Variants in BNC2 observed in about 807,000 individuals in gnomAD.
BNC2 encodes zinc finger protein basonuclin-2.
In BNC2, 20 loss-of-function variants were observed where a neutral mutation model predicts 76.3. The observed-to-expected ratio is 0.26, with a 90% CI of 0.18 to 0.38. The LOEUF (loss-of-function observed/expected upper bound fraction) is 0.38. Ranked by LOEUF, BNC2 falls within the 10% of genes least tolerant of loss-of-function variation. The pLI is 1.00. For missense variants in BNC2, 1,382 were observed against 1,399.8 expected, an observed-to-expected ratio of 0.99 and a Z score of 0.20; for synonymous variants, 582 against 514.8, an observed-to-expected ratio of 1.13 and a Z score of -1.77.
chr9:16,670,843 T>C (rs551945769), intron 3 of BNC2, among the ~76,000 whole-genome samples: 2 of 152,126 alleles, frequency 1.3e-5, no homozygotes, highest in Non-Finnish European at 2.9e-5. Context: ...CCAAAAACAA[T>C]GTATGGGTTC....
intron 6 of BNC2, among the ~76,000 whole-genome samples, chr9:16,421,937 ACT>A (rs1338985620): frequency 6.6e-6 from 1 of 152,034 alleles, no homozygotes. Context: ...GTAATCTAGA[ACT>A]CTGTTGCTTC....
chr9:16,761,120 T>C lies in BNC2; in HGVS notation c.4-22635A>G, dbSNP rs548305501. On this transcript the variant is annotated intron_variant, in intron 1 of 6. Transcript: ENST00000380672. ...AAAATTAGCTGGGAGTGGTGGCACA[T>C]GCCTGTGGTCCCAGCTACTTGGGAG... Among the ~76,000 whole-genome samples, 69 of 151,668 alleles carry C rather than the reference T, an allele frequency of 4.5e-4. 1 individual carries two copies. Among genetic ancestry groups the C allele is most frequent in the African/African-American group, 1.6e-3 (66 of 41,364 alleles).
rs1227405045 is a variant in BNC2, at chr9:16,416,610, G to A, written c.*2379C>T. The A allele has an allele frequency of 1.3e-5, 2 of 152,568 alleles. No homozygotes were observed. The highest frequency in any genetic ancestry group is 2.9e-5 in the Non-Finnish European group (2 of 68,028). The allele number at this position is 152,568 out of a possible 1,614,324, so 9.5% of individuals were successfully genotyped here. ...CCTCAGCTTTTTACCATAAACACTT[G>A]TCATTTAACATAGTGTTTGATATAG... On this transcript the variant is annotated 3_prime_UTR_variant, in exon 7 of 7. Transcript: ENST00000380672.
chr9:16,752,117 C>A (rs1320410016), intron 1 of BNC2, among the ~76,000 whole-genome samples: 1 of 152,114 alleles, frequency 6.6e-6, no homozygotes, highest in Non-Finnish European at 1.5e-5. Flanking sequence ...CTAATAATTT[C>A]TTTTAAGAAA....
intron 5 of BNC2, among the ~76,000 whole-genome samples, chr9:16,510,427 G>A (rs143007828): frequency 9.9e-5 from 15 of 152,254 alleles, no homozygotes; most frequent in African/African-American, 3.1e-4. Context: ...GATATAAAAA[G>A]GCAGGAAACA....
chr9:16,516,174 C>T (rs910363452), intron 5 of BNC2, among the ~76,000 whole-genome samples: 2 of 152,072 alleles, frequency 1.3e-5, no homozygotes. Context: ...AGCCCCAGGC[C>T]GCAGGGTTCT....
chr9:16,648,051 A>G lies in BNC2; in HGVS notation c.331-64966T>C, dbSNP rs9886749. On this transcript the variant is annotated intron_variant, in intron 3 of 6. Coordinates refer to ENST00000380672, the MANE Select transcript of BNC2 (RefSeq NM_017637.6). ...TCCCTTTGAAGACAAAATTACAGAG[A>G]GTCACCAATGTACGCAATAAAATAT... 7.0e-3 allele frequency among the ~76,000 whole-genome samples: 1,068 copies of G among 152,322 alleles called. 10 individuals are homozygous for G. The highest frequency in any genetic ancestry group is 0.023 in the African/African-American group (975 of 41,584).
chr9:16,588,829 C>G (rs953828878), intron 3 of BNC2, among the ~76,000 whole-genome samples: 1 of 152,194 alleles, frequency 6.6e-6, no homozygotes, highest in Non-Finnish European at 1.5e-5. Flanking sequence ...CCCCAATCTT[C>G]TGACCAAATC....
intron 5 of BNC2, among the ~76,000 whole-genome samples, chr9:16,493,675 G>C (rs1822324061): frequency 6.6e-6 from 1 of 152,188 alleles, no homozygotes; most frequent in Non-Finnish European, 1.5e-5. Context: ...GGAAGAGCTA[G>C]GCAAAAGGAT....
chr9:16,765,137 A>G (rs1825656555), intron 1 of BNC2, among the ~76,000 whole-genome samples: 1 of 152,178 alleles, frequency 6.6e-6, no homozygotes, highest in Non-Finnish European at 1.5e-5. Flanking sequence ...GTACACAAAT[A>G]TTTAGTATTC....
chr9:16,744,988 T>A (rs967445997), intron 1 of BNC2, among the ~76,000 whole-genome samples: 8 of 152,240 alleles, frequency 5.3e-5, no homozygotes, highest in African/African-American at 1.9e-4. Context: ...AAATCAATTT[T>A]GCCAAGTGCT....
chr9:16,647,304 T>A (rs561873422), intron 3 of BNC2, among the ~76,000 whole-genome samples: 13 of 152,176 alleles, frequency 8.5e-5, no homozygotes, highest in Admixed American at 7.9e-4. Context: ...GGTGGAATCT[T>A]ATGTCAAGTC....
intron 1 of BNC2, among the ~76,000 whole-genome samples, chr9:16,755,870 A>G (rs1478803303): frequency 6.6e-6 from 1 of 152,104 alleles, no homozygotes; most frequent in African/African-American, 2.4e-5. Flanking sequence ...TTTTCTTAGG[A>G]GTGTTTCCTT....
chr9:16,448,897 A>C (rs1332958285), intron 5 of BNC2, among the ~76,000 whole-genome samples: 7 of 152,192 alleles, frequency 4.6e-5, no homozygotes, highest in Admixed American at 4.6e-4. Flanking sequence ...CCACACATAC[A>C]CATGTGTGTA....
chr9:16,720,927 G>C (rs1824137190), intron 3 of BNC2, among the ~76,000 whole-genome samples: 1 of 152,182 alleles, frequency 6.6e-6, no homozygotes. Context: ...ATGAACTCCA[G>C]TCATAAATTT....
intron 1 of BNC2, among the ~76,000 whole-genome samples, chr9:16,802,957 C>T (rs10962610): frequency 0.01 from 1,527 of 152,298 alleles, 8 homozygotes; most frequent in Non-Finnish European, 0.017. Flanking sequence ...AACCAGGTAG[C>T]AAATATTTGG....
intron 3 of BNC2, among the ~76,000 whole-genome samples, chr9:16,650,200 T>C (rs1385026037): frequency 2.6e-5 from 4 of 152,192 alleles, no homozygotes; most frequent in African/African-American, 4.8e-5. Context: ...CAAAACAATA[T>C]TGACTGTCTG....
chr9:16,811,552 CAAAAAA>C (rs1179927173), intron 1 of BNC2, among the ~76,000 whole-genome samples: 47 of 58,052 alleles, frequency 8.1e-4, no homozygotes, highest in South Asian at 1.7e-3. Flanking sequence ...AACTCCATCT[CAAAAAA>C]AAAAAAAAAA....
intron 5 of BNC2, among the ~76,000 whole-genome samples, chr9:16,469,400 T>TC (rs1821771271): frequency 6.6e-6 from 1 of 152,112 alleles, no homozygotes; most frequent in South Asian, 2.1e-4. Flanking sequence ...TTTTCAGGGG[T>TC]TTCTGCTTTT....
Sources: gnomAD v4.1 joint callset for allele counts (sites outside exome capture counted in the v4.1 genomes callset) on GRCh38, gnomAD v4.1.1 for gene constraint, MANE v1.5 for transcripts, NCBI Gene and HGNC (gene_info 2026-07-23, HGNC 2026-07-21) for gene names.